The following ARX variants were observed in gnomAD, a reference collection of about 807,000 sequenced individuals.
The protein encoded by ARX is homeobox protein ARX.
A neutral mutation model predicts 23.1 loss-of-function variants in ARX; 1 was observed. That is an observed-to-expected ratio of 0.04 (90% CI 0.02 to 0.21). The LOEUF (loss-of-function observed/expected upper bound fraction) is 0.21, where lower values mean the gene tolerates loss of function less well. Among genes scored for constraint, ARX ranks in the 10% least tolerant of loss-of-function variants. The pLI, the probability that ARX is intolerant of heterozygous loss-of-function variation, is 1.00. For missense variants in ARX, 380 were observed against 527.5 expected, an observed-to-expected ratio of 0.72 and a Z score of 2.74; for synonymous variants, 301 against 270.1, an observed-to-expected ratio of 1.11 and a Z score of -1.12.
At chrX:25,009,237 G>A (rs1438589442) in intron 3 of ARX, among the ~76,000 whole-genome samples, 2 of 111,634 alleles carry the variant, frequency 1.8e-5, no homozygotes, top group African/African-American at 6.5e-5. Flanking sequence ...GTAAACGAAA[G>A]GACTCTAATA....
rs2048670414 is a variant in ARX at position 25,004,837 on chromosome X, C to T, written c.1522G>A (p.Val508Met). The change falls in exon 5 of 5, where the codon GTG becomes ATG. Residue 508 changes from valine to methionine, a missense_variant. Physicochemically the swap from Val to Met is conservative, Grantham distance 21. This residue lies in a region of ARX where 121 missense variants were observed against 169.7 expected (regional missense o/e 0.71). Transcript: ENST00000379044. ...GCGCCCGATGCCACTGCGCCCTCCA[C>T]GGCGGGTGTGGGCTGTCTCAGGAGC... ...AALLRQPTPA[V>M]EGAVASGALA... 1 of 1,174,321 alleles carries T rather than the reference C, an allele frequency of 8.5e-7. No individual in the cohort carries two copies. The highest frequency in any genetic ancestry group is 1.1e-6 in the Non-Finnish European group (1 of 876,543).
intron 4 of ARX, 146 bp downstream of exon 4, chrX:25,006,961 TAGAG>T: frequency 1.4e-6 from 1 of 702,380 alleles, no homozygotes; most frequent in Non-Finnish European, 2.0e-6. Flanking sequence ...GAGGCTCAAT[TAGAG>T]AGTATTTTCT....
Position 25,007,097 on chromosome X carries a change from A to G in ARX, c.1448+14T>C, listed in dbSNP as rs1201797048. 9 of 1,185,140 alleles carry G rather than the reference A, an allele frequency of 7.6e-6. No individual in the cohort carries two copies. Among genetic ancestry groups the G allele is most frequent in the Non-Finnish European group, 9.1e-6 (8 of 882,527 alleles). ...AGACAGACAGACAGACAGACTTCCG[A>G]GGCTGCGCGTTACCTGCCGAATGCC... On this transcript the variant is annotated intron_variant, in intron 4 of 4. Transcript: ENST00000379044.
At chrX:25,014,275 C>G (rs779216112) in intron 1 of ARX, among the ~76,000 whole-genome samples, 30 of 111,592 alleles carry the variant, frequency 2.7e-4, no homozygotes, top group African/African-American at 9.4e-4. Context: ...CCCTTTCCTA[C>G]TCTCTCATTT....
intron 1 of ARX, among the ~76,000 whole-genome samples, chrX:25,014,046 C>T (rs1237595310): frequency 9.1e-6 from 1 of 109,910 alleles, no homozygotes; most frequent in East Asian, 2.9e-4. Flanking sequence ...TCTTTCCGTT[C>T]CCTCTCTCAC....
Position 25,013,517 on chromosome X carries a change from T to G in ARX, c.478A>C (p.Lys160Gln). ...AAAAAAWDTLKISQAPQVSIS... is the reference protein window; with the variant it reads ...AAAAAAWDTLQISQAPQVSIS... ...CTCACCTGCGGCGCCTGGCTGATCTTGAGCGTGTCCCAGGCCGCGGCGGCC... is the reference window on the plus strand; with the variant it reads ...CTCACCTGCGGCGCCTGGCTGATCTGGAGCGTGTCCCAGGCCGCGGCGGCC... The change falls in exon 2 of 5, where the codon AAG becomes CAG. Residue 160 changes from lysine (K) to glutamine (Q), a missense_variant. By Grantham distance (53) the Lys-to-Gln change is moderately conservative. Around this residue, in one of 3 missense-constraint regions of ARX, gnomAD observed 235 missense variants for 270.2 expected, o/e 0.87. Coordinates refer to ENST00000379044, the MANE Select transcript of ARX (RefSeq NM_139058.3). 1.2e-6 allele frequency: 1 copy of G among 849,458 alleles called. No homozygotes were observed. The highest frequency in any genetic ancestry group is 1.4e-6 in the Non-Finnish European group (1 of 703,912). The allele number at this position is 849,458 out of a possible 1,213,427, so 70.0% of individuals were successfully genotyped here.
chrX:25,007,483 C>A, intron 3 of ARX, 44 bp from the exon 4 acceptor site: 1 of 1,133,706 alleles, frequency 8.8e-7, no homozygotes, highest in Non-Finnish European at 1.2e-6. Context: ...CTCGGCCCGG[C>A]GGGCGCACCG....
chrX:25,011,424 C>T (rs1044096635), intron 2 of ARX, among the ~76,000 whole-genome samples: 29 of 112,737 alleles, frequency 2.6e-4, no homozygotes, highest in African/African-American at 9.0e-4. Context: ...GGTCCTCCCC[C>T]GCCCCTAAGC....
At position 25,013,229 on chromosome X, in the gene ARX, C is replaced by T. The variant is rs769056463; in HGVS notation, c.766G>A (p.Ala256Thr). The T allele has an allele frequency of 8.6e-7, 1 of 1,159,251 alleles. No homozygotes were observed. Among genetic ancestry groups the T allele is most frequent in the Non-Finnish European group, 1.1e-6 (1 of 869,659 alleles). Residue 256 changes from alanine (A) to threonine (T), a missense_variant, in exon 2 of 5, where the codon GCC (alanine) becomes ACC (threonine). By Grantham distance (58) the Ala-to-Thr change is moderately conservative. Transcript: ENST00000379044. ...DDEEELLEDDARALLKEPRRC... is the reference protein window; with the variant it reads ...DDEEELLEDDTRALLKEPRRC... The stretch of plus-strand genomic sequence containing the variant: ...CGGGGCTCCTTGAGCAGCGCGCGGG[C>T]GTCGTCCTCCAGCAGCTCCTCCTCG...
chrX:25,006,357 CTAT>C (rs1203585348), intron 4 of ARX, among the ~76,000 whole-genome samples: 1 of 112,520 alleles, frequency 8.9e-6, no homozygotes, highest in Non-Finnish European at 1.9e-5. Context: ...TTGGATGAAT[CTAT>C]TATTTCTTTG....
Position 25,004,446 on chromosome X carries a change from AGCAGGG to A in ARX, c.*218_*223del, listed in dbSNP as rs966894894. On this transcript the variant is annotated 3_prime_UTR_variant, in exon 5 of 5. Coordinates refer to ENST00000379044, the MANE Select transcript of ARX (RefSeq NM_139058.3). ...TTGGAGTTGGAGCGAGGTTGGCAGT[AGCAGGG>A]GCAGGGGCAGGGGCGGGTGGACAGC... is the stretch of plus-strand genomic sequence containing the variant. 9 of 483,174 alleles carry A rather than the reference AGCAGGG, an allele frequency of 1.9e-5. No individual in the cohort carries two copies. Among genetic ancestry groups the A allele is most frequent in the African/African-American group, 4.9e-5 (2 of 40,513 alleles). The allele number at this position is 483,174 out of a possible 1,213,427, so 39.8% of individuals were successfully genotyped here.
At chrX:25,007,475 C>A in intron 3 of ARX, 36 bp from the exon 4 acceptor site, 1 of 1,140,522 alleles carries the variant, frequency 8.8e-7, no homozygotes, top group Non-Finnish European at 1.2e-6. Context: ...CGGCGCGGCT[C>A]GGCCCGGCGG....
At chrX:25,012,614 C>A (rs978449492) in intron 2 of ARX, among the ~76,000 whole-genome samples, 3 of 113,343 alleles carry the variant, frequency 2.6e-5, no homozygotes, top group Non-Finnish European at 5.6e-5. Flanking sequence ...CGCTTTCGGG[C>A]GCTCTTTGGA....
intron 4 of ARX, among the ~76,000 whole-genome samples, chrX:25,005,147 G>GGGGCC (rs770579369): frequency 1.2e-3 from 135 of 112,273 alleles, no homozygotes; most frequent in Non-Finnish European, 2.2e-3. Flanking sequence ...TATTCCCCGA[G>GGGGCC]GGGCCGGGCC....
rs183417604 is a variant in ARX, at chrX:25,005,121, A to G, written c.1449-211T>C. 7.9e-3 allele frequency among the ~76,000 whole-genome samples: 887 copies of G among 111,793 alleles called. 5 individuals are homozygous for G. Among genetic ancestry groups the G allele is most frequent in the Middle Eastern group, 0.014 (3 of 213 alleles). On this transcript the variant is annotated intron_variant, in intron 4 of 4. Coordinates refer to ENST00000379044, the MANE Select transcript of ARX (RefSeq NM_139058.3). ...TGGGGCAGGGAACCGACTGGGGGGA[A>G]AAGACCGAGTCCAGATATTCCCCGA...
intron 3 of ARX, among the ~76,000 whole-genome samples, chrX:25,009,869 TG>T (rs2048694531): frequency 9.0e-6 from 1 of 111,416 alleles, no homozygotes; most frequent in African/African-American, 3.3e-5. Context: ...AATACCTGCT[TG>T]GAACTGAGCG....
At chrX:25,015,414 G>A (rs2048722481) in intron 1 of ARX, 128 bp downstream of exon 1, 2 of 847,706 alleles carry the variant, frequency 2.4e-6, no homozygotes, top group Non-Finnish European at 3.4e-6. Context: ...GAGGCAGCAG[G>A]CCTCAGAGTT....
chrX:25,015,905 G>A lies in ARX; in HGVS notation c.-168C>T, dbSNP rs780943837. ...CCTTGGTTGCCGGCTGCCGGCTCCC[G>A]CCCTGCCCGCGGCCCGAGCTCGCCC... On this transcript the variant is annotated 5_prime_UTR_variant, in exon 1 of 5. Coordinates refer to ENST00000379044, the MANE Select transcript of ARX (RefSeq NM_139058.3). 7.2e-6 allele frequency: 4 copies of A among 554,305 alleles called. 1 individual carries two copies. The highest frequency in any genetic ancestry group is 6.8e-5 in the African/African-American group (3 of 43,881). 45.7% of individuals were successfully genotyped at this position (554,305 alleles called of 1,213,427 possible).
In ARX at chrX:25,007,526, C is replaced by CG. The variant is rs1353195453; in HGVS notation, c.1120-88dup. 2.4e-5 allele frequency: 25 copies of CG among 1,054,234 alleles called. No homozygotes were observed. The African/African-American group carries it at 3.9e-4, about 17-fold the overall frequency. The allele number at this position is 1,054,234 out of a possible 1,213,427, so 86.9% of individuals were successfully genotyped here. On this transcript the variant is annotated intron_variant, in intron 3 of 4. Transcript: ENST00000379044. Reference sequence around the variant, plus strand: ...ACCCGTCCCTTCCCTTGGCGCGCTGCGGGGCCCCCTTCCTTTCCACCGCGG... The same window carrying CG: ...ACCCGTCCCTTCCCTTGGCGCGCTGCGGGGGCCCCCTTCCTTTCCACCGCGG...
Sources: gnomAD v4.1 joint callset for allele counts (sites outside exome capture counted in the v4.1 genomes callset) on GRCh38, gnomAD v4.1.1 for gene constraint, gnomAD v4.1.1 regional missense constraint, MANE v1.5 for transcripts, NCBI Gene and HGNC (gene_info 2026-07-23, HGNC 2026-07-21) for gene names.